The following VAC14 variants were observed in gnomAD, a reference collection of about 807,000 sequenced individuals.
VAC14 encodes VAC14 component of PIKFYVE complex.
VAC14 carries 47 observed loss-of-function variants against 85.3 expected under a neutral mutation model. The ratio of observed to expected loss-of-function variants is 0.55; its 90% CI spans 0.44 to 0.70. VAC14 has a LOEUF of 0.70. Among genes scored for constraint, VAC14 ranks in the 30% least tolerant of loss-of-function variants. The probability of loss-of-function intolerance (pLI) is 0.00; values close to 1 mark genes in which losing one functional copy is unlikely to be tolerated. For synonymous variants in VAC14, 447 were observed against 430.5 expected (o/e 1.04, Z -0.47); for missense variants, 861 against 1,004.3 (o/e 0.86, Z 1.93).
intron 12 of VAC14, among the ~76,000 whole-genome samples, chr16:70,758,610 G>A (rs568907672): frequency 4.3e-4 from 65 of 152,310 alleles, no homozygotes; most frequent in Non-Finnish European, 7.9e-4. Context: ...TGGGGGTATG[G>A]CCATCTTACA....
chr16:70,723,920 TG>T (rs1209890327), intron 14 of VAC14, among the ~76,000 whole-genome samples: 11 of 152,164 alleles, frequency 7.2e-5, no homozygotes, highest in African/African-American at 2.4e-4. Flanking sequence ...CTCCTGGAAG[TG>T]GGGGTGACCG....
intron 14 of VAC14, 38 bp downstream of exon 14, chr16:70,731,457 G>A (rs369499574): frequency 1.6e-5 from 26 of 1,596,534 alleles, no homozygotes; most frequent in Middle Eastern, 3.4e-4. Context: ...AGCCGGGGCC[G>A]TGGGAGGAAG....
At chr16:70,760,960 A>AGG (rs1309116441) in intron 12 of VAC14, among the ~76,000 whole-genome samples, 4,914 of 56,420 alleles carry the variant, frequency 0.087, 266 homozygotes, top group Middle Eastern at 0.15. Context: ...GCACGAAGAG[A>AGG]GGGTGTGTGT....
At position 70,743,863 on chromosome 16, in the gene VAC14, G is replaced by A. The variant is rs572127657; in HGVS notation, c.1528+560C>T. The stretch of plus-strand genomic sequence containing the variant: ...TTGCCAGAGGGAAGTGGCGTCTGCC[G>A]AGGCCTAGGGAGAAGAGCTGGCCTG... On this transcript the variant is annotated intron_variant, in intron 13 of 18. Transcript: ENST00000261776. 5.9e-5 allele frequency among the ~76,000 whole-genome samples: 9 copies of A among 152,300 alleles called. No homozygotes were observed. In the East Asian group the frequency reaches 7.7e-4, roughly 13 times the overall value.
intron 10 of VAC14, among the ~76,000 whole-genome samples, chr16:70,764,717 G>C (rs2032669956): frequency 1.3e-5 from 2 of 152,086 alleles, no homozygotes; most frequent in South Asian, 4.1e-4. Flanking sequence ...ATTCTCTTTT[G>C]TGTCCTAAGC....
Position 70,731,305 on chromosome 16 carries a change from C to A in VAC14, c.1661+190G>T, listed in dbSNP as rs1245511401. On this transcript the variant is annotated intron_variant, in intron 14 of 18. Transcript: ENST00000261776. Reference sequence around the variant, plus strand: ...CGGAAAAACATCAACACTGACCTGTCTGTTTCATGTCAGAAGCATCAGCAA... The same window carrying A: ...CGGAAAAACATCAACACTGACCTGTATGTTTCATGTCAGAAGCATCAGCAA... 2.8e-6 allele frequency: 4 copies of A among 1,430,544 alleles called. No individual in the cohort carries two copies. The East Asian group carries it at 9.5e-5, about 34-fold the overall frequency. The allele number at this position is 1,430,544 out of a possible 1,614,324, so 88.6% of individuals were successfully genotyped here.
intron 10 of VAC14, among the ~76,000 whole-genome samples, chr16:70,767,423 G>C (rs1198165824): frequency 6.6e-6 from 1 of 152,132 alleles, no homozygotes; most frequent in Admixed American, 6.5e-5. Flanking sequence ...TTTTCAATCA[G>C]CAGAGGCTAC....
At chr16:70,696,901 G>A in intron 16 of VAC14, 2 of 456,478 alleles carry the variant, frequency 4.4e-6, no homozygotes, top group East Asian at 4.5e-5. Context: ...AACCCACAGG[G>A]TTTCTCCCGG....
chr16:70,782,473 G>A (rs2033861896), intron 7 of VAC14, among the ~76,000 whole-genome samples: 1 of 152,222 alleles, frequency 6.6e-6, no homozygotes, highest in Non-Finnish European at 1.5e-5. Flanking sequence ...ATGTGGTCCA[G>A]CTGCCCCCAT....
intron 13 of VAC14, among the ~76,000 whole-genome samples, chr16:70,737,659 C>T (rs998017732): frequency 7.9e-5 from 12 of 152,108 alleles, no homozygotes; most frequent in East Asian, 1.9e-4. Flanking sequence ...GGTGGGCGGC[C>T]GGGGAGCCAG....
At chr16:70,726,900 C>G (rs994081771) in intron 14 of VAC14, among the ~76,000 whole-genome samples, 1 of 152,224 alleles carries the variant, frequency 6.6e-6, no homozygotes. Context: ...AAGTCCAACC[C>G]ACTCAAGCCT....
intron 12 of VAC14, among the ~76,000 whole-genome samples, chr16:70,756,979 G>A (rs2031919542): frequency 1.3e-5 from 2 of 152,108 alleles, no homozygotes; most frequent in African/African-American, 4.8e-5. Flanking sequence ...AATTTTTCCA[G>A]AAAGGTGGTT....
intron 12 of VAC14, among the ~76,000 whole-genome samples, chr16:70,757,387 G>T (rs975192805): frequency 2.0e-5 from 3 of 152,214 alleles, no homozygotes; most frequent in Non-Finnish European, 2.9e-5. Context: ...TGAACCTGCT[G>T]ACAATGGGGC....
intron 9 of VAC14, 129 bp from the exon 10 acceptor site, chr16:70,772,301 C>T (rs1416964281): frequency 1.7e-5 from 13 of 770,114 alleles, no homozygotes; most frequent in Non-Finnish European, 2.6e-5. Context: ...TCAAAAGGAC[C>T]ATGGCTCTGG....
At chr16:70,776,694 A>G (rs1032193120) in intron 9 of VAC14, among the ~76,000 whole-genome samples, 2 of 152,038 alleles carry the variant, frequency 1.3e-5, no homozygotes, top group Non-Finnish European at 2.9e-5. Flanking sequence ...CAAACTGAGT[A>G]GCTGGGATTA....
At chr16:70,744,373 G>T in intron 13 of VAC14, 50 bp downstream of exon 13, 1 of 1,611,092 alleles carries the variant, frequency 6.2e-7, no homozygotes. Flanking sequence ...CCTAAGACCC[G>T]GCACTGGCAC....
At chr16:70,790,642 G>C (rs958587484) in intron 1 of VAC14, among the ~76,000 whole-genome samples, 2 of 152,148 alleles carry the variant, frequency 1.3e-5, no homozygotes, top group African/African-American at 2.4e-5. Context: ...GGGAGGCAAG[G>C]GGGATTTCTG....
chr16:70,776,551 C>T (rs1294177659), intron 9 of VAC14, among the ~76,000 whole-genome samples: 2 of 152,168 alleles, frequency 1.3e-5, no homozygotes, highest in East Asian at 3.9e-4. Context: ...TATCTTCTCC[C>T]AGTCTGGGCC....
chr16:70,799,468 G>A (rs1364014904), intron 1 of VAC14, among the ~76,000 whole-genome samples: 1 of 152,170 alleles, frequency 6.6e-6, no homozygotes, highest in African/African-American at 2.4e-5. Flanking sequence ...CTTTAGTTTA[G>A]GAGGAAACTA....
Sources: allele counts gnomAD v4.1 joint callset (sites outside exome capture counted in the v4.1 genomes callset), GRCh38; gene constraint gnomAD v4.1.1; transcripts MANE v1.5; gene names NCBI Gene and HGNC (gene_info 2026-07-23, HGNC 2026-07-21).